ZNF273: variants seen among roughly 807,000 people sequenced by gnomAD.
The protein encoded by ZNF273 is zinc finger protein 273, also known as zinc finger protein 9.
ZNF273 carries 11 observed loss-of-function variants against 14.9 expected under a neutral mutation model. The ratio of observed to expected loss-of-function variants is 0.74; its 90% CI spans 0.46 to 1.22. ZNF273 has a LOEUF of 1.22. ZNF273 is among the 50% of genes most tolerant of loss of function. The pLI is 0.00. For synonymous variants in ZNF273, 199 were observed against 223.9 expected (o/e 0.89, Z 0.99); for missense variants, 577 against 660.6 (o/e 0.87, Z 1.39).
intron 1 of ZNF273, among the ~76,000 whole-genome samples, chr7:64,912,224 A>G (rs1793566167): frequency 2.6e-5 from 4 of 151,916 alleles, no homozygotes; most frequent in South Asian, 4.2e-4. Context: ...CTCCCAAAGT[A>G]TGGGGATTAC....
downstream of ZNF273, chr7:64,889,051 G>A: frequency 1.0e-6 from 1 of 985,990 alleles, no homozygotes; most frequent in Non-Finnish European, 1.2e-6. The surrounding 1 kb of genome is among the most constrained non-coding windows in gnomAD (Gnocchi z 4.2). Flanking sequence ...AGGAAGCGAA[G>A]AACGTTTCTC....
chr7:64,880,742 A>C, downstream of ZNF273, among the ~76,000 whole-genome samples: 1 of 151,860 alleles, frequency 6.6e-6, no homozygotes, highest in East Asian at 1.9e-4. Flanking sequence ...CAAAGCAGCA[A>C]CTCTTCTAGA....
chr7:64,887,735 TG>T (rs1791679715), intron 1 of ZNF273, among the ~76,000 whole-genome samples: 1 of 151,936 alleles, frequency 6.6e-6, no homozygotes, highest in Admixed American at 6.6e-5. Flanking sequence ...CCTGACCTCA[TG>T]ATCTGCCCGC....
upstream of ZNF273, among the ~76,000 whole-genome samples, chr7:64,900,734 G>A (rs187991967): frequency 1.1e-4 from 16 of 152,272 alleles, no homozygotes; most frequent in African/African-American, 2.6e-4. Flanking sequence ...TTTTTGCACC[G>A]TATACAAATG....
chr7:64,922,118 C>CT (rs199922439), intron 3 of ZNF273, among the ~76,000 whole-genome samples: 7,100 of 138,244 alleles, frequency 0.051, 222 homozygotes, highest in Admixed American at 0.062. Flanking sequence ...ATTCTATTTC[C>CT]TTTTTTTTTT....
rs778845936 is a variant in ZNF273 at position 64,928,126 on chromosome 7, A to C, written c.798A>C (p.Glu266Asp). Residue 266 changes from glutamate (E) to aspartate (D), a missense_variant, in exon 4 of 4, where the codon GAA becomes GAC. This residue lies in a region of ZNF273 where 411 missense variants were observed against 440.4 expected (regional missense o/e 0.93). Coordinates refer to ENST00000476120, the MANE Select transcript of ZNF273 (RefSeq NM_021148.3). Reference sequence around the variant, plus strand: ...AAGTGAATCCCTACAAATGTGAAGAATGTGGCAAAGCCTTTAACCAGTCCT... The same window carrying C: ...AAGTGAATCCCTACAAATGTGAAGACTGTGGCAAAGCCTTTAACCAGTCCT... ...HPEVNPYKCE[E>D]CGKAFNQSLT... The C allele has an allele frequency of 3.2e-5, 52 of 1,613,398 alleles. No individual in the cohort carries two copies. Among genetic ancestry groups the C allele is most frequent in the Non-Finnish European group, 4.1e-5 (48 of 1,179,648 alleles).
Position 64,914,180 on chromosome 7 carries a change from G to T in ZNF273, c.103-3401G>T, listed in dbSNP as rs1017137115. 4.8e-4 allele frequency among the ~76,000 whole-genome samples: 30 copies of T among 63,056 alleles called. 1 individual carries two copies. The highest frequency in any genetic ancestry group is 5.2e-4 in the East Asian group (1 of 1,930). The allele number at this position is 63,056 out of a possible 152,430, so 41.4% of individuals were successfully genotyped here. A position where few individuals can be genotyped will look rare whatever the true frequency, so the allele number is the denominator to read the frequency against. On this transcript the variant is annotated intron_variant, in intron 1 of 3. Transcript: ENST00000476120. ...GCACCACTACGTCCTGGTAATTTTT[G>T]TATTTTTTTTTTTTTTTTTTTTTTT...
At chr7:64,889,538 G>A (rs1791837354), downstream of ZNF273, 1 of 985,822 alleles carries the variant, frequency 1.0e-6, no homozygotes, top group Non-Finnish European at 1.2e-6. This position sits in a 1 kb window ranked among gnomAD's most constrained non-coding sequence, Gnocchi z 4.2. Context: ...GGTGCCACGC[G>A]GTCCTCTACG....
At chr7:64,888,589 C>T (rs948232692) in exon 2 of ZNF273, 3 of 985,782 alleles carry the variant, frequency 3.0e-6, no homozygotes, top group African/African-American at 3.5e-5. Context: ...TTAGCACCTG[C>T]CCGCCCTCCA....
In ZNF273 at chr7:64,928,727, T is replaced by C; in HGVS notation, c.1399T>C (p.Phe467Leu). ...CAAATGTGAAGAATGTGGCAGTGCC[T>C]TTAGGGCATTCTCAACCCTTACTGA... ...PYKCEECGSA[F>L]RAFSTLTEHK... The change falls in exon 4 of 4, where the codon TTT (phenylalanine) becomes CTT (leucine). Residue 467 changes from phenylalanine (F) to leucine (L), a missense_variant. Around this residue, in one of 3 missense-constraint regions of ZNF273, gnomAD observed 411 missense variants for 440.4 expected, o/e 0.93. Transcript: ENST00000476120. The C allele has an allele frequency of 6.2e-7, 1 of 1,607,452 alleles. No individual in the cohort carries two copies. The highest frequency in any genetic ancestry group is 8.5e-7 in the Non-Finnish European group (1 of 1,175,020).
intron 3 of ZNF273, among the ~76,000 whole-genome samples, chr7:64,921,676 A>G (rs1794474949): frequency 8.1e-6 from 1 of 123,130 alleles, no homozygotes; most frequent in African/African-American, 3.2e-5. Flanking sequence ...CCCAGGCTGG[A>G]GTACAATGGC....
At chr7:64,898,360 C>T (rs1792486521), upstream of ZNF273, among the ~76,000 whole-genome samples, 1 of 152,176 alleles carries the variant, frequency 6.6e-6, no homozygotes, top group Admixed American at 6.5e-5. Context: ...GTGAAGAACA[C>T]TCGTTTGAGT....
intron 3 of ZNF273, chr7:64,897,262 C>T (rs1159976598): frequency 1.3e-5 from 2 of 152,190 alleles, no homozygotes; most frequent in African/African-American, 2.4e-5. Context: ...GGTAGAACAA[C>T]CACTTCTCAG....
chr7:64,923,486 C>T lies in ZNF273; in HGVS notation c.326-4168C>T, dbSNP rs966352371. ...CCTCCCGAGTAGCTGGGATTATAGG[C>T]GAGTGCCATCATGCCCGGCTAATTT... On this transcript the variant is annotated intron_variant, in intron 3 of 3. Coordinates refer to ENST00000476120, the MANE Select transcript of ZNF273 (RefSeq NM_021148.3). 9 of 405,352 alleles carry T rather than the reference C, an allele frequency of 2.2e-5. 1 individual carries two copies. The highest frequency in any genetic ancestry group is 1.5e-4 in the African/African-American group (7 of 46,932). 25.1% of individuals were successfully genotyped at this position (405,352 alleles called of 1,614,324 possible). A position where few individuals can be genotyped will look rare whatever the true frequency, so the allele number is the denominator to read the frequency against.
intron 1 of ZNF273, among the ~76,000 whole-genome samples, chr7:64,914,374 T>C (rs1275498685): frequency 6.8e-6 from 1 of 146,956 alleles, no homozygotes; most frequent in Non-Finnish European, 1.5e-5. Flanking sequence ...ACTATTATTA[T>C]TACTTATTAT....
chr7:64,929,858 T>TTTTG lies in ZNF273; in HGVS notation c.*840_*843dup, dbSNP rs201254174. The stretch of plus-strand genomic sequence containing the variant: ...TTTTTTTTGGTTTTGGTTTTGGGTT[T>TTTTG]TTTGTTTGTTTGTTTGTTTGTTTTT... On this transcript the variant is annotated 3_prime_UTR_variant, in exon 4 of 4. Coordinates refer to ENST00000476120, the MANE Select transcript of ZNF273 (RefSeq NM_021148.3). 0.048 allele frequency: 7,200 copies of TTTTG among 150,800 alleles called. 521 individuals carry two copies. The highest frequency in any genetic ancestry group is 0.16 in the African/African-American group (6,430 of 39,824). The allele number at this position is 150,800 out of a possible 1,614,324, so 9.3% of individuals were successfully genotyped here. A position where few individuals can be genotyped will look rare whatever the true frequency, so the allele number is the denominator to read the frequency against.
chr7:64,933,815 CA>C (rs543261674), downstream of ZNF273, among the ~76,000 whole-genome samples: 193 of 152,252 alleles, frequency 1.3e-3, 1 homozygote, highest in African/African-American at 4.2e-3. Flanking sequence ...AGTATATATA[CA>C]ATGTCAAATG....
chr7:64,923,522 AGTAGAG>A (rs1794617996), intron 3 of ZNF273: 3 of 366,602 alleles, frequency 8.2e-6, no homozygotes, highest in Admixed American at 7.6e-5. Flanking sequence ...TTGTATTTTT[AGTAGAG>A]TGAGGGTTTC....
rs778218261 is a variant in ZNF273, at chr7:64,923,339, G to T, written c.326-4315G>T. The T allele has an allele frequency of 1.5e-5, 7 of 454,828 alleles. No individual in the cohort carries two copies. The East Asian group carries it at 2.1e-4, about 14-fold the overall frequency. 28.2% of individuals were successfully genotyped at this position (454,828 alleles called of 1,614,324 possible). A position where few individuals can be genotyped will look rare whatever the true frequency, so the allele number is the denominator to read the frequency against. On this transcript the variant is annotated intron_variant, in intron 3 of 3. Coordinates refer to ENST00000476120, the MANE Select transcript of ZNF273 (RefSeq NM_021148.3). Reference sequence around the variant, plus strand: ...TGTTGTTTGTTTTGTGTGTGTGTGTGTTTTTTTATTTTTATTTTTTATACA... The same window carrying T: ...TGTTGTTTGTTTTGTGTGTGTGTGTTTTTTTTTATTTTTATTTTTTATACA...
Sources: gnomAD v4.1 joint callset for allele counts (sites outside exome capture counted in the v4.1 genomes callset) on GRCh38, gnomAD v4.1.1 for gene constraint, gnomAD v4.1.1 regional missense constraint, Gnocchi (gnomAD v3.1) non-coding constraint, MANE v1.5 for transcripts, NCBI Gene and HGNC (gene_info 2026-07-23, HGNC 2026-07-21) for gene names.